EYS: variants seen among roughly 807,000 people sequenced by gnomAD.
EYS encodes EGF-like photoreceptor maintenance factor, also known as protein eyes shut homolog.
In EYS, 250 loss-of-function variants were observed where a neutral mutation model predicts 282.1. The ratio of observed to expected loss-of-function variants is 0.89; its 90% CI spans 0.80 to 0.98. The LOEUF is 0.98. Ranked by LOEUF, EYS falls within the 50% of genes least tolerant of loss-of-function variation. EYS has a pLI of 0.00. For missense variants in EYS, 4,016 were observed against 3,709.0 expected (o/e 1.08, Z -2.15); for synonymous variants, 1,355 against 1,282.9 (o/e 1.06, Z -1.20).
intron 33 of EYS, among the ~76,000 whole-genome samples, chr6:64,050,476 A>G (rs765204913): frequency 5.3e-5 from 8 of 152,210 alleles, no homozygotes; most frequent in Non-Finnish European, 1.0e-4. Flanking sequence ...ATTAAAATGT[A>G]CTGAATCATG....
chr6:64,503,984 C>T (rs2150513782), intron 26 of EYS, among the ~76,000 whole-genome samples: 1 of 152,306 alleles, frequency 6.6e-6, no homozygotes, highest in South Asian at 2.1e-4. Flanking sequence ...GCTTCACCTT[C>T]ACCTTCCACA....
chr6:64,714,727 C>T (rs1158913499), intron 22 of EYS, among the ~76,000 whole-genome samples: 1 of 151,912 alleles, frequency 6.6e-6, no homozygotes, highest in African/African-American at 2.4e-5. Flanking sequence ...GGGGTTTCAC[C>T]TTGTTAGCCA....
At chr6:64,357,079 C>T (rs920774675) in intron 29 of EYS, among the ~76,000 whole-genome samples, 4 of 151,604 alleles carry the variant, frequency 2.6e-5, no homozygotes, top group Admixed American at 6.6e-5. Context: ...TGCATTTATT[C>T]AGTGGTTCTC....
intron 37 of EYS, among the ~76,000 whole-genome samples, chr6:63,799,616 G>T (rs1770735509): frequency 2.0e-5 from 3 of 152,078 alleles, no homozygotes; most frequent in Non-Finnish European, 4.4e-5. Context: ...CAAAAGAAAT[G>T]GAAAGAATTT....
chr6:64,329,024 C>A (rs1461304304), intron 29 of EYS, among the ~76,000 whole-genome samples: 5 of 152,114 alleles, frequency 3.3e-5, no homozygotes, highest in African/African-American at 1.2e-4. Flanking sequence ...AGAAATCAGA[C>A]ATGGATTTAA....
At chr6:64,537,357 A>G (rs1390748079) in intron 26 of EYS, among the ~76,000 whole-genome samples, 1 of 151,544 alleles carries the variant, frequency 6.6e-6, no homozygotes, top group Non-Finnish European at 1.5e-5. Flanking sequence ...TTATGGCTGC[A>G]TAGTATTCCA....
rs1765671439 is a variant in EYS at position 65,382,930 on chromosome 6, C to T, written c.1299+1456G>A. On this transcript the variant is annotated intron_variant, in intron 8 of 42. Coordinates refer to ENST00000503581, the MANE Select transcript of EYS (RefSeq NM_001142800.2). ...AGACACACCCAGGGTCAATACTTGACATCCTTGAATCCAATCAAGTTGACC... is the reference window on the plus strand; with the variant it reads ...AGACACACCCAGGGTCAATACTTGATATCCTTGAATCCAATCAAGTTGACC... Among the ~76,000 whole-genome samples, 4 of 151,994 alleles carry T rather than the reference C, an allele frequency of 2.6e-5. No individual in the cohort carries two copies. The South Asian group carries it at 8.3e-4, about 32-fold the overall frequency.
chr6:65,252,030 TC>T (rs1479071660), intron 12 of EYS, among the ~76,000 whole-genome samples: 16 of 152,106 alleles, frequency 1.1e-4, no homozygotes, highest in Admixed American at 9.2e-4. Context: ...CAGTCATTTT[TC>T]CAGGGGGTAG....
intron 35 of EYS, among the ~76,000 whole-genome samples, chr6:63,930,807 C>T (rs1764868988): frequency 6.6e-6 from 1 of 151,696 alleles, no homozygotes; most frequent in African/African-American, 2.4e-5. Flanking sequence ...TTAATGAGGC[C>T]GTGTTTCCAA....
intron 37 of EYS, among the ~76,000 whole-genome samples, chr6:63,799,198 G>A (rs1358120773): frequency 1.3e-5 from 2 of 151,390 alleles, no homozygotes; most frequent in African/African-American, 2.4e-5. Flanking sequence ...ATTATTAGTA[G>A]AGACAGGGTC....
chr6:65,617,158 G>A (rs2351268), intron 2 of EYS, among the ~76,000 whole-genome samples: 54,330 of 151,844 alleles, frequency 0.36, 12,120 homozygotes, highest in Non-Finnish European at 0.49. Flanking sequence ...AACATCAAGA[G>A]TGTTAGAAAC....
chr6:65,390,780 A>G (rs1765998012), intron 7 of EYS, among the ~76,000 whole-genome samples: 1 of 151,932 alleles, frequency 6.6e-6, no homozygotes, highest in African/African-American at 2.4e-5. Context: ...GTTACTTGGG[A>G]GGCTGAGATG....
intron 2 of EYS, among the ~76,000 whole-genome samples, chr6:65,574,484 G>A (rs911731237): frequency 6.6e-6 from 1 of 152,092 alleles, no homozygotes; most frequent in Non-Finnish European, 1.5e-5. Context: ...CTAGCTATGC[G>A]TGTATCAGGT....
chr6:64,917,569 G>A (rs1215857611), intron 15 of EYS, among the ~76,000 whole-genome samples: 1 of 152,114 alleles, frequency 6.6e-6, no homozygotes, highest in African/African-American at 2.4e-5. Context: ...GATCAGTGGA[G>A]ATGTTGGTCA....
chr6:63,942,320 C>A (rs1277908802), intron 35 of EYS, among the ~76,000 whole-genome samples: 3 of 152,130 alleles, frequency 2.0e-5, no homozygotes, highest in African/African-American at 7.2e-5. Context: ...GGCATGACTT[C>A]ACAAGATTTA....
At chr6:63,849,876 G>A (rs1006549648) in intron 36 of EYS, among the ~76,000 whole-genome samples, 10 of 152,034 alleles carry the variant, frequency 6.6e-5, no homozygotes, top group South Asian at 2.1e-4. Context: ...TAACAAACTC[G>A]TCTGAGCTAA....
chr6:65,371,033 T>C lies in EYS; in HGVS notation c.1299+13353A>G, dbSNP rs116818526. Among the ~76,000 whole-genome samples, 514 of 151,630 alleles carry C rather than the reference T, an allele frequency of 3.4e-3. 8 individuals are homozygous for C. Among genetic ancestry groups the C allele is most frequent in the African/African-American group, 0.012 (496 of 41,448 alleles). ...AAACACAGAAAGTGGAGATGACACA[T>C]ATGGGCTGGATGAGAGTATGGGAGT... is the stretch of plus-strand genomic sequence containing the variant. On this transcript the variant is annotated intron_variant, in intron 8 of 42. Transcript: ENST00000503581.
chr6:64,861,823 T>C (rs1455219481), intron 19 of EYS, among the ~76,000 whole-genome samples: 1 of 152,238 alleles, frequency 6.6e-6, no homozygotes, highest in Non-Finnish European at 1.5e-5. Flanking sequence ...TGAACACTTT[T>C]AAGAAGATAT....
chr6:65,331,908 T>C (rs959971339), intron 11 of EYS: 1 of 198,030 alleles, frequency 5.0e-6, no homozygotes, highest in African/African-American at 2.4e-5. Context: ...CATCAGTTGA[T>C]GGTCATTTGG....
Sources: gnomAD v4.1 joint callset for allele counts (sites outside exome capture counted in the v4.1 genomes callset) on GRCh38, gnomAD v4.1.1 for gene constraint, MANE v1.5 for transcripts, NCBI Gene and HGNC (gene_info 2026-07-23, HGNC 2026-07-21) for gene names.